PPP6R3: variants seen among roughly 807,000 people sequenced by gnomAD.
PPP6R3 encodes the protein serine/threonine-protein phosphatase 6 regulatory subunit 3.
PPP6R3 carries 38 observed loss-of-function variants against 110.7 expected under a neutral mutation model. The observed-to-expected ratio is 0.34, with a 90% CI of 0.26 to 0.45. The LOEUF (loss-of-function observed/expected upper bound fraction) is 0.45. Ranked by LOEUF, PPP6R3 falls within the 20% of genes least tolerant of loss-of-function variation. PPP6R3 has a pLI of 1.00. For missense variants in PPP6R3, 870 were observed against 1,062.4 expected (o/e 0.82, Z 2.52); for synonymous variants, 369 against 373.5 (o/e 0.99, Z 0.14).
chr11:68,488,345 T>A (rs191697049), intron 1 of PPP6R3, among the ~76,000 whole-genome samples: 555 of 152,120 alleles, frequency 3.6e-3, no homozygotes, highest in Non-Finnish European at 6.4e-3. Flanking sequence ...TTAAAAAAAA[T>A]TTCTTTTTTG....
intron 9 of PPP6R3, among the ~76,000 whole-genome samples, chr11:68,565,280 C>A (rs570713604): frequency 6.6e-6 from 1 of 152,092 alleles, no homozygotes; most frequent in African/African-American, 2.4e-5. Flanking sequence ...AGCTCCAGAT[C>A]ATCTTTTCAG....
At chr11:68,555,115 T>C (rs1053166823) in intron 7 of PPP6R3, among the ~76,000 whole-genome samples, 1 of 152,224 alleles carries the variant, frequency 6.6e-6, no homozygotes, top group African/African-American at 2.4e-5. Flanking sequence ...AGTGGAATTG[T>C]GTTTTCCTAG....
intron 22 of PPP6R3, chr11:68,609,622 C>A: frequency 6.4e-7 from 1 of 1,552,274 alleles, no homozygotes; most frequent in Non-Finnish European, 8.7e-7. Context: ...GTGTTGAAAT[C>A]CTATCGGTAT....
rs1047423554 is a variant in PPP6R3 at position 68,609,593 on chromosome 11, T to C, written c.2451-311T>C. On this transcript the variant is annotated intron_variant, in intron 22 of 23. Transcript: ENST00000393800. ...ACTCTTGTACATTTCTTTTTCTGTT[T>C]TGCACACTGGGCTTCAGAGTGTTGA... 1.9e-6 allele frequency: 3 copies of C among 1,551,650 alleles called. No homozygotes were observed. In the African/African-American group the frequency reaches 4.1e-5, roughly 21 times the overall value.
intron 1 of PPP6R3, among the ~76,000 whole-genome samples, chr11:68,513,406 A>G (rs979354194): frequency 2.0e-5 from 3 of 152,206 alleles, no homozygotes; most frequent in Non-Finnish European, 4.4e-5. Flanking sequence ...TGATAAGTGT[A>G]TGAGGCTACG....
chr11:68,555,127 A>G (rs895922821), intron 7 of PPP6R3, among the ~76,000 whole-genome samples: 2 of 152,210 alleles, frequency 1.3e-5, no homozygotes, highest in Admixed American at 6.5e-5. Context: ...TTTTCCTAGC[A>G]TGTAGAATAC....
chr11:68,560,800 C>T (rs992346321), intron 8 of PPP6R3, among the ~76,000 whole-genome samples: 4 of 151,616 alleles, frequency 2.6e-5, no homozygotes, highest in Admixed American at 6.6e-5. Context: ...CCAAAATCTG[C>T]GGTTGCTCAA....
In PPP6R3 at chr11:68,612,860, C is replaced by T. The variant is rs930102278; in HGVS notation, c.2571-206C>T. The T allele has an allele frequency of 1.2e-5, 12 of 993,966 alleles. No homozygotes were observed. The African/African-American group carries it at 1.5e-4, about 12-fold the overall frequency. 61.6% of individuals were successfully genotyped at this position (993,966 alleles called of 1,614,324 possible). A position where few individuals can be genotyped will look rare whatever the true frequency, so the allele number is the denominator to read the frequency against. The stretch of plus-strand genomic sequence containing the variant: ...CTGCTGCCCTTGCTGAATGCCTGCT[C>T]ACCCGGTGATGAAGCTTAGATGCAC... On this transcript the variant is annotated intron_variant, in intron 23 of 23. Coordinates refer to ENST00000393800, the MANE Select transcript of PPP6R3 (RefSeq NM_001164161.2).
chr11:68,584,676 C>G (rs2099572631), intron 15 of PPP6R3, among the ~76,000 whole-genome samples: 2 of 152,104 alleles, frequency 1.3e-5, no homozygotes. Flanking sequence ...AGTTTTCTTA[C>G]ATTATTTTGT....
intron 20 of PPP6R3, among the ~76,000 whole-genome samples, 169 bp downstream of exon 20, chr11:68,600,663 C>T (rs1449824987): frequency 2.6e-5 from 4 of 152,224 alleles, no homozygotes; most frequent in Non-Finnish European, 4.4e-5. Context: ...GTAAGAAGAA[C>T]AATCACCATC....
At chr11:68,580,746 C>CTTTTTTTTTTTTTTTTTTTTTT (rs71043441) in intron 14 of PPP6R3, among the ~76,000 whole-genome samples, 2 of 67,530 alleles carry the variant, frequency 3.0e-5, no homozygotes, top group Admixed American at 2.4e-4. Context: ...GGTAAATAAT[C>CTTTTTTTTTTTTTTTTTTTTTT]TTTTTTTTTT....
At position 68,609,923 on chromosome 11, in the gene PPP6R3, A is replaced by C. The variant is rs201016284; in HGVS notation, c.2470A>C (p.Thr824Pro). ...VFKSEEGKLS[T>P]SQDAACKDAE... ...CTGCAGTGAGGAAGGGAAACTGTCT[A>C]CCTCTCAAGATGCTGCTTGTAAAGA... is the stretch of plus-strand genomic sequence containing the variant. The change falls in exon 23 of 24, where the codon ACC becomes CCC. Residue 824 changes from threonine (T) to proline (P), a missense_variant. Physicochemically the swap from Thr to Pro is conservative, Grantham distance 38. Transcript: ENST00000393800. 3 of 1,614,018 alleles carry C rather than the reference A, an allele frequency of 1.9e-6. No homozygotes were observed. Among genetic ancestry groups the C allele is most frequent in the East Asian group, 2.2e-5 (1 of 44,874 alleles).
At chr11:68,593,203 C>T (rs986187077) in intron 18 of PPP6R3, among the ~76,000 whole-genome samples, 1 of 43,448 alleles carries the variant, frequency 2.3e-5, no homozygotes, top group South Asian at 1.2e-3. Context: ...TGTCCCGTCC[C>T]CCACAACCGT....
intron 18 of PPP6R3, among the ~76,000 whole-genome samples, chr11:68,593,229 A>G (rs780936642): frequency 4.6e-5 from 7 of 151,814 alleles, no homozygotes; most frequent in Non-Finnish European, 8.8e-5. Context: ...TTTTTGTTCT[A>G]TTAGTTTGCA....
At chr11:68,557,000 C>T (rs573925852) in intron 7 of PPP6R3, among the ~76,000 whole-genome samples, 6 of 152,202 alleles carry the variant, frequency 3.9e-5, no homozygotes, top group Non-Finnish European at 5.9e-5. Context: ...TCTGTATTGA[C>T]GAAAGTGACA....
At chr11:68,482,675 T>A (rs1430565780) in intron 1 of PPP6R3, among the ~76,000 whole-genome samples, 11 of 152,076 alleles carry the variant, frequency 7.2e-5, no homozygotes, top group South Asian at 4.1e-4. Context: ...CTTAGTTTTT[T>A]AAAAAAAATT....
chr11:68,571,862 C>G (rs2099508941), intron 12 of PPP6R3, among the ~76,000 whole-genome samples: 1 of 152,120 alleles, frequency 6.6e-6, no homozygotes, highest in South Asian at 2.1e-4. Flanking sequence ...CCTGAAGTCA[C>G]CATCACCACA....
chr11:68,558,806 A>G (rs557961950), intron 8 of PPP6R3, 127 bp downstream of exon 8: 60 of 677,292 alleles, frequency 8.9e-5, no homozygotes, highest in African/African-American at 7.5e-4. Context: ...TTCTTCTGCT[A>G]TATAAACCAT....
chr11:68,474,058 T>TC (rs1397477536), intron 1 of PPP6R3, among the ~76,000 whole-genome samples: 1 of 151,750 alleles, frequency 6.6e-6, no homozygotes, highest in Non-Finnish European at 1.5e-5. Flanking sequence ...TTTTTTTTTT[T>TC]TTGAGACAAG....
Sources: allele counts gnomAD v4.1 joint callset (sites outside exome capture counted in the v4.1 genomes callset), GRCh38; gene constraint gnomAD v4.1.1; transcripts MANE v1.5; gene names NCBI Gene and HGNC (gene_info 2026-07-23, HGNC 2026-07-21).